TXNL1: variants seen among roughly 807,000 people sequenced by gnomAD.
TXNL1 encodes the protein thioredoxin like 1, also known as thioredoxin-like protein 1.
Under a neutral mutation model 35.5 loss-of-function variants are expected in TXNL1, and 14 were observed. The observed-to-expected ratio is 0.39, with a 90% CI of 0.26 to 0.62. The LOEUF (loss-of-function observed/expected upper bound fraction) is 0.62. Ranked by LOEUF, TXNL1 falls within the 20% of genes least tolerant of loss-of-function variation. TXNL1 has a pLI of 0.47. For synonymous variants in TXNL1, 110 were observed against 115.5 expected, an observed-to-expected ratio of 0.95 and a Z score of 0.31; for missense variants, 263 against 349.7, an observed-to-expected ratio of 0.75 and a Z score of 1.98.
At chr18:56,604,275 A>G (rs1598909660) in intron 7 of TXNL1, among the ~76,000 whole-genome samples, 1 of 152,226 alleles carries the variant, frequency 6.6e-6, no homozygotes. Flanking sequence ...TCTCTATCAC[A>G]AGTAAATTTT....
chr18:56,618,874 C>T lies in TXNL1; in HGVS notation c.370-748G>A, dbSNP rs193161108. The stretch of plus-strand genomic sequence containing the variant: ...AATATTTCACACTTGAATTGTTACA[C>T]GCAGAATAAAGATCCAAAAAAGTAT... On this transcript the variant is annotated intron_variant, in intron 3 of 7. Coordinates refer to ENST00000217515, the MANE Select transcript of TXNL1 (RefSeq NM_004786.3). Among the ~76,000 whole-genome samples the T allele has an allele frequency of 9.9e-5, 15 of 151,972 alleles. No homozygotes were observed. In the Middle Eastern group the frequency reaches 0.01, roughly 103 times the overall value.
chr18:56,632,116 T>C (rs1000756482), intron 1 of TXNL1, among the ~76,000 whole-genome samples: 1 of 152,098 alleles, frequency 6.6e-6, no homozygotes, highest in Non-Finnish European at 1.5e-5. Context: ...TGAAAGAGCA[T>C]TAGCTTCTTT....
intron 3 of TXNL1, among the ~76,000 whole-genome samples, chr18:56,623,653 C>G (rs943824665): frequency 6.6e-6 from 1 of 152,072 alleles, no homozygotes; most frequent in Non-Finnish European, 1.5e-5. Flanking sequence ...ATGCTGCATT[C>G]TAACTATTTA....
At chr18:56,615,554 T>C (rs561927067) in intron 5 of TXNL1, among the ~76,000 whole-genome samples, 38 of 151,730 alleles carry the variant, frequency 2.5e-4, no homozygotes, top group African/African-American at 8.2e-4. Context: ...TGTATCGATA[T>C]AAAAAAATGA....
chr18:56,612,874 AATT>A (rs1246888019), intron 6 of TXNL1, among the ~76,000 whole-genome samples: 1 of 151,916 alleles, frequency 6.6e-6, no homozygotes, highest in African/African-American at 2.4e-5. Flanking sequence ...ACTTGATTAT[AATT>A]TTTTTTTTTT....
chr18:56,608,871 C>T lies in TXNL1; in HGVS notation c.840+2122G>A, dbSNP rs76268057. 2.8e-3 allele frequency: 421 copies of T among 149,758 alleles called. 6 individuals carry two copies. The East Asian group carries it at 0.038, about 13-fold the overall frequency. The allele number at this position is 149,758 out of a possible 1,614,324, so 9.3% of individuals were successfully genotyped here. A position where few individuals can be genotyped will look rare whatever the true frequency, so the allele number is the denominator to read the frequency against. ...CTGAGGCTGGAGGATCACTTGAGCCCAGGAGTTTGAGGTTGCAGTAAGCCA... is the reference window on the plus strand; with the variant it reads ...CTGAGGCTGGAGGATCACTTGAGCCTAGGAGTTTGAGGTTGCAGTAAGCCA... On this transcript the variant is annotated intron_variant, in intron 7 of 7. Transcript: ENST00000217515.
At position 56,598,863 on chromosome 18, in the gene TXNL1, C is replaced by G. The variant is rs1431390471; in HGVS notation, c.*4164G>C. 6.6e-6 allele frequency: 1 copy of G among 152,194 alleles called. No individual in the cohort carries two copies. The highest frequency in any genetic ancestry group is 2.4e-5 in the African/African-American group (1 of 41,438). The allele number at this position is 152,194 out of a possible 1,614,324, so 9.4% of individuals were successfully genotyped here. On this transcript the variant is annotated 3_prime_UTR_variant, in exon 8 of 8. Coordinates refer to ENST00000217515, the MANE Select transcript of TXNL1 (RefSeq NM_004786.3). ...TACTTGCTCAAGATGACACAGCTAA[C>G]AAGTGGAAGAGCAGGGATTCAAACT...
chr18:56,638,362 C>G lies in TXNL1; in HGVS notation c.79G>C (p.Val27Leu). The change falls in exon 1 of 8, where the codon GTC becomes CTC. Residue 27 changes from valine to leucine, a missense_variant. Val to Leu is a conservative substitution (Grantham distance 32). Coordinates refer to ENST00000217515, the MANE Select transcript of TXNL1 (RefSeq NM_004786.3). Reference sequence around the variant, plus strand: ...CCTCACCCTCTCATGGTGAACTTGACCACGGCGAGTCTGGAGCCCGCGCCG... The same window carrying G: ...CCTCACCCTCTCATGGTGAACTTGAGCACGGCGAGTCTGGAGCCCGCGCCG... ...LSGAGSRLAV[V>L]KFTMRGCGPC... is the part of the protein sequence containing the mutation. 1 of 1,613,458 alleles carries G rather than the reference C, an allele frequency of 6.2e-7. No homozygotes were observed. The highest frequency in any genetic ancestry group is 8.5e-7 in the Non-Finnish European group (1 of 1,179,652).
In TXNL1 at chr18:56,638,409, G is replaced by C. The variant is rs767344584; in HGVS notation, c.32C>G (p.Pro11Arg). ...GCCGCTCAGCTCTGGCTGGAAATCC[G>C]GGTCGCTCCCGACGGGCTTCACCCC... Reference protein sequence around the residue: MVGVKPVGSDPDFQPELSGAG... With the variant: MVGVKPVGSDRDFQPELSGAG... Residue 11 changes from proline (P) to arginine (R), a missense_variant, in exon 1 of 8, where the codon CCG becomes CGG. Coordinates refer to ENST00000217515, the MANE Select transcript of TXNL1 (RefSeq NM_004786.3). 1.2e-6 allele frequency: 2 copies of C among 1,613,506 alleles called. No individual in the cohort carries two copies. Among genetic ancestry groups the C allele is most frequent in the Non-Finnish European group, 1.7e-6 (2 of 1,179,748 alleles).
chr18:56,604,530 TA>T (rs1169949919), intron 7 of TXNL1: 4 of 152,198 alleles, frequency 2.6e-5, no homozygotes, highest in African/African-American at 9.6e-5. Context: ...ATCCCAAACG[TA>T]AAGCTCTTTT....
In TXNL1 at chr18:56,624,458, T is replaced by A; in HGVS notation, c.199A>T (p.Thr67Ser). ...LEVDVHQCQG[T>S]AATNNISATP... ...GCTGATATATTGTTGGTGGCAGCTG[T>A]TCCCTAGAATTGGCAAGTTGGACAG... The change falls in exon 3 of 8, where the codon ACA (threonine) becomes TCA (serine). Residue 67 changes from threonine (T) to serine (S), a missense_variant. Physicochemically the swap from Thr to Ser is moderately conservative, Grantham distance 58. Coordinates refer to ENST00000217515, the MANE Select transcript of TXNL1 (RefSeq NM_004786.3). The A allele has an allele frequency of 6.2e-7, 1 of 1,609,620 alleles. No individual in the cohort carries two copies. The highest frequency in any genetic ancestry group is 8.5e-7 in the Non-Finnish European group (1 of 1,176,992).
At chr18:56,622,867 T>C (rs2024211247) in intron 3 of TXNL1, among the ~76,000 whole-genome samples, 1 of 152,214 alleles carries the variant, frequency 6.6e-6, no homozygotes, top group African/African-American at 2.4e-5. Context: ...ATGTTGATAC[T>C]TCCTAATTGG....
chr18:56,621,957 T>G (rs1289577765), intron 3 of TXNL1, among the ~76,000 whole-genome samples: 2 of 148,482 alleles, frequency 1.3e-5, no homozygotes, highest in Non-Finnish European at 3.0e-5. Context: ...ACGGTGGAGG[T>G]TGCAGATCAT....
At position 56,630,814 on chromosome 18, in the gene TXNL1, T is replaced by C. The variant is rs182663083; in HGVS notation, c.99-4357A>G. On this transcript the variant is annotated intron_variant, in intron 1 of 7. Coordinates refer to ENST00000217515, the MANE Select transcript of TXNL1 (RefSeq NM_004786.3). ...AAATGCATCAGCAGAGAAGCATAAA[T>C]ATATACAAACTCACAAATATATACA... Among the ~76,000 whole-genome samples, 13 of 152,310 alleles carry C rather than the reference T, an allele frequency of 8.5e-5. No homozygotes were observed. The East Asian group carries it at 2.3e-3, about 27-fold the overall frequency.
At chr18:56,617,741 G>C (rs934416693) in intron 4 of TXNL1, among the ~76,000 whole-genome samples, 1 of 152,202 alleles carries the variant, frequency 6.6e-6, no homozygotes, top group Non-Finnish European at 1.5e-5. Context: ...AGACCAAACA[G>C]TGGTAAGAGC....
chr18:56,628,411 G>C (rs76206604), intron 1 of TXNL1, among the ~76,000 whole-genome samples: 2 of 152,130 alleles, frequency 1.3e-5, no homozygotes, highest in African/African-American at 4.8e-5. Context: ...AGTTCTAAGA[G>C]TCAAAAATCA....
In TXNL1 at chr18:56,601,203, G is replaced by A. The variant is rs547566602; in HGVS notation, c.*1824C>T. 6.6e-5 allele frequency: 10 copies of A among 152,214 alleles called. No homozygotes were observed. The South Asian group carries it at 1.2e-3, about 19-fold the overall frequency. The allele number at this position is 152,214 out of a possible 1,614,324, so 9.4% of individuals were successfully genotyped here. On this transcript the variant is annotated 3_prime_UTR_variant, in exon 8 of 8. Coordinates refer to ENST00000217515, the MANE Select transcript of TXNL1 (RefSeq NM_004786.3). ...CAATTATGCACATTTATAATAGTAAGATTTCCCATTAAGTGAAACGTTATA... is the reference window on the plus strand; with the variant it reads ...CAATTATGCACATTTATAATAGTAAAATTTCCCATTAAGTGAAACGTTATA...
At position 56,617,997 on chromosome 18, in the gene TXNL1, C is replaced by T. The variant is rs2024118207; in HGVS notation, c.492+7G>A. 6.2e-7 allele frequency: 1 copy of T among 1,613,712 alleles called. No homozygotes were observed. Among genetic ancestry groups the T allele is most frequent in the South Asian group, 1.1e-5 (1 of 91,058 alleles). On this transcript the variant is annotated splice_region_variant and intron_variant, in intron 4 of 7. Transcript: ENST00000217515. Reference sequence around the variant, plus strand: ...TCTCCACAAGCTTATCTTCAGCCCTCAATTACCTGTTCATCACAGTCAGAT... The same window carrying T: ...TCTCCACAAGCTTATCTTCAGCCCTTAATTACCTGTTCATCACAGTCAGAT...
At chr18:56,635,221 G>C (rs1392338716) in intron 1 of TXNL1, among the ~76,000 whole-genome samples, 1 of 152,052 alleles carries the variant, frequency 6.6e-6, no homozygotes, top group African/African-American at 2.4e-5. Context: ...TCTCAAAACT[G>C]CACTCCAGCC....
Sources: gnomAD v4.1 joint callset for allele counts (sites outside exome capture counted in the v4.1 genomes callset) on GRCh38, gnomAD v4.1.1 for gene constraint, MANE v1.5 for transcripts, NCBI Gene and HGNC (gene_info 2026-07-23, HGNC 2026-07-21) for gene names.